PTPRG: variants seen among roughly 807,000 people sequenced by gnomAD.
PTPRG encodes receptor-type tyrosine-protein phosphatase gamma.
Under a neutral mutation model 165.3 loss-of-function variants are expected in PTPRG, and 102 were observed. That is an observed-to-expected ratio of 0.62 (90% CI 0.53 to 0.73). PTPRG has a LOEUF of 0.73. PTPRG is among the 30% of genes least tolerant of loss of function. The pLI, the probability that PTPRG is intolerant of heterozygous loss-of-function variation, is 0.00. For missense variants in PTPRG, 1,866 were observed against 1,861.4 expected, an observed-to-expected ratio of 1.00 and a Z score of -0.05; for synonymous variants, 675 against 669.5, an observed-to-expected ratio of 1.01 and a Z score of -0.13.
chr3:61,903,555 G>A (rs950706812), intron 2 of PTPRG, among the ~76,000 whole-genome samples: 3 of 152,036 alleles, frequency 2.0e-5, no homozygotes, highest in Non-Finnish European at 4.4e-5. Context: ...TGTATGTTTA[G>A]TAGAGACAGG....
At chr3:62,060,251 T>A (rs533242404) in intron 4 of PTPRG, among the ~76,000 whole-genome samples, 11 of 151,684 alleles carry the variant, frequency 7.3e-5, no homozygotes, top group Non-Finnish European at 1.3e-4. Context: ...GCTGATTTCC[T>A]GTATCTTGAT....
intron 2 of PTPRG, among the ~76,000 whole-genome samples, chr3:61,801,733 A>G (rs1039779976): frequency 6.6e-6 from 1 of 152,138 alleles, no homozygotes; most frequent in African/African-American, 2.4e-5. Context: ...GCTCTGCATT[A>G]TGGTGGGCTG....
intron 2 of PTPRG, among the ~76,000 whole-genome samples, chr3:61,775,726 A>G (rs1428946314): frequency 1.3e-5 from 2 of 152,108 alleles, no homozygotes; most frequent in African/African-American, 4.8e-5. Context: ...GCACATATAC[A>G]CCATGGAATA....
chr3:62,203,211 C>T lies in PTPRG; in HGVS notation c.1416C>T (p.Pro472=), dbSNP rs924797132. 3 of 1,609,012 alleles carry T rather than the reference C, an allele frequency of 1.9e-6. No homozygotes were observed. The highest frequency in any genetic ancestry group is 2.5e-6 in the Non-Finnish European group (3 of 1,176,610). Residue 472 remains proline, a synonymous_variant, in exon 12 of 30, where the codon CCC becomes CCT. Transcript: ENST00000474889. This position sits in a 1 kb window ranked among gnomAD's most constrained non-coding sequence, Gnocchi z 6.4. ...ASPASSADMA[P]ISSGSSTWTS... is the part of the protein sequence containing the mutation. Reference sequence around the variant, plus strand: ...CTGCCTCTTCAGCCGACATGGCCCCCATCAGCTCGGGGTCTTCTACCTGGA... The same window carrying T: ...CTGCCTCTTCAGCCGACATGGCCCCTATCAGCTCGGGGTCTTCTACCTGGA...
At chr3:62,180,595 A>T (rs1205359843) in intron 8 of PTPRG, among the ~76,000 whole-genome samples, 1 of 152,180 alleles carries the variant, frequency 6.6e-6, no homozygotes, top group Non-Finnish European at 1.5e-5. Context: ...GTTGAAAGGG[A>T]GAGAATGTAC....
intron 2 of PTPRG, among the ~76,000 whole-genome samples, chr3:61,842,490 A>C (rs2036664742): frequency 6.6e-6 from 1 of 152,170 alleles, no homozygotes; most frequent in African/African-American, 2.4e-5. Context: ...TTCCAGGGCA[A>C]GAGAGGAAAG....
At chr3:61,854,219 C>A (rs112896227) in intron 2 of PTPRG, among the ~76,000 whole-genome samples, 1 of 152,170 alleles carries the variant, frequency 6.6e-6, no homozygotes, top group Non-Finnish European at 1.5e-5. Context: ...GAGACAATAA[C>A]CTCCTTGCCC....
intron 2 of PTPRG, among the ~76,000 whole-genome samples, chr3:61,828,134 G>A (rs1419243266): frequency 1.3e-5 from 2 of 152,088 alleles, no homozygotes; most frequent in African/African-American, 4.8e-5. Context: ...TCTTCTACAT[G>A]CCCTTTTTTT....
chr3:61,745,663 G>A (rs1383647901), intron 1 of PTPRG, among the ~76,000 whole-genome samples: 1 of 152,184 alleles, frequency 6.6e-6, no homozygotes, highest in Non-Finnish European at 1.5e-5. Context: ...TGTCTTAAGT[G>A]AATTACCTTT....
chr3:61,850,387 A>T (rs1002604067), intron 2 of PTPRG, among the ~76,000 whole-genome samples: 1 of 152,026 alleles, frequency 6.6e-6, no homozygotes, highest in Admixed American at 6.6e-5. Flanking sequence ...CTGGTCGTGA[A>T]CTCCTGACCT....
chr3:61,870,873 A>C (rs914929150), intron 2 of PTPRG, among the ~76,000 whole-genome samples: 1 of 152,148 alleles, frequency 6.6e-6, no homozygotes, highest in African/African-American at 2.4e-5. Context: ...CTAAAAGCTC[A>C]ATTAATGAAT....
At chr3:61,933,720 C>T (rs2039417032) in intron 2 of PTPRG, among the ~76,000 whole-genome samples, 2 of 152,112 alleles carry the variant, frequency 1.3e-5, no homozygotes, top group Admixed American at 1.3e-4. Context: ...GGTTTCCTCT[C>T]CATTTTCTAG....
intron 2 of PTPRG, among the ~76,000 whole-genome samples, chr3:61,875,478 A>G (rs182265706): frequency 2.6e-5 from 4 of 152,316 alleles, no homozygotes; most frequent in Admixed American, 6.5e-5. Context: ...CTTATACAGA[A>G]GGGAAACTGG....
intron 2 of PTPRG, among the ~76,000 whole-genome samples, chr3:61,924,940 C>T (rs2039170343): frequency 6.6e-6 from 1 of 152,116 alleles, no homozygotes; most frequent in Non-Finnish European, 1.5e-5. Flanking sequence ...GGGATTATTG[C>T]CTTTGTCTAA....
At chr3:61,787,708 T>C (rs547779523) in intron 2 of PTPRG, among the ~76,000 whole-genome samples, 1 of 152,342 alleles carries the variant, frequency 6.6e-6, no homozygotes, top group East Asian at 1.9e-4. Flanking sequence ...CAGTGGTTCC[T>C]GTGGAGTTGT....
At chr3:61,574,892 C>T (rs1455715101) in intron 1 of PTPRG, among the ~76,000 whole-genome samples, 1 of 152,122 alleles carries the variant, frequency 6.6e-6, no homozygotes, top group Non-Finnish European at 1.5e-5. Flanking sequence ...TAATCCATTC[C>T]CACGAGAAGT....
intron 1 of PTPRG, among the ~76,000 whole-genome samples, chr3:61,723,536 A>G (rs976681713): frequency 2.6e-5 from 4 of 152,214 alleles, no homozygotes; most frequent in Admixed American, 2.0e-4. Flanking sequence ...GAAAGTAAAA[A>G]TGATGGCTAC....
At chr3:61,622,229 T>C (rs1001402639) in intron 1 of PTPRG, among the ~76,000 whole-genome samples, 1 of 152,202 alleles carries the variant, frequency 6.6e-6, no homozygotes, top group Non-Finnish European at 1.5e-5. Context: ...AACTAATTTT[T>C]AGTTGTCAGG....
rs185689316 is a variant in PTPRG at position 62,189,933 on chromosome 3, C to T, written c.1034-1536C>T. ...GCTCCAGCCCCTCAGACCTTCCCACCGGATCCCTTTACAGCTCCCACCCCC... is the reference window on the plus strand; with the variant it reads ...GCTCCAGCCCCTCAGACCTTCCCACTGGATCCCTTTACAGCTCCCACCCCC... On this transcript the variant is annotated intron_variant, in intron 8 of 29. Coordinates refer to ENST00000474889, the MANE Select transcript of PTPRG (RefSeq NM_002841.4). Among the ~76,000 whole-genome samples the T allele has an allele frequency of 4.7e-4, 72 of 152,238 alleles. 2 individuals are homozygous for T. In the East Asian group the frequency reaches 0.012, roughly 25 times the overall value.
Sources: gnomAD v4.1 joint callset for allele counts (sites outside exome capture counted in the v4.1 genomes callset) on GRCh38, gnomAD v4.1.1 for gene constraint, Gnocchi (gnomAD v3.1) non-coding constraint, MANE v1.5 for transcripts, NCBI Gene and HGNC (gene_info 2026-07-23, HGNC 2026-07-21) for gene names.